KLRG1: variants seen among roughly 807,000 people sequenced by gnomAD.
KLRG1 encodes killer cell lectin-like receptor subfamily G member 1.
KLRG1 carries 16 observed loss-of-function variants against 21.8 expected under a neutral mutation model. That is an observed-to-expected ratio of 0.73 (90% CI 0.50 to 1.11). The LOEUF (loss-of-function observed/expected upper bound fraction) is 1.11. Ranked by LOEUF, KLRG1 falls within the 50% of genes most tolerant of loss-of-function variation. KLRG1 has a pLI of 0.00. For synonymous variants in KLRG1, 69 were observed against 75.9 expected (o/e 0.91, Z 0.47); for missense variants, 173 against 218.3 (o/e 0.79, Z 1.31).
chr12:8,998,206 G>A (rs1947193660), intron 3 of KLRG1, among the ~76,000 whole-genome samples: 1 of 152,056 alleles, frequency 6.6e-6, no homozygotes, highest in African/African-American at 2.4e-5. Context: ...TTATGCACCT[G>A]TAATCCCAGC....
chr12:9,151,397 T>C, the KLRG1 span, among the ~76,000 whole-genome samples: 1 of 152,364 alleles, frequency 6.6e-6, no homozygotes, highest in Admixed American at 6.5e-5. Flanking sequence ...GAAATATTCA[T>C]ATTCCAATTT....
At chr12:9,181,283 T>C in the KLRG1 span, 1 of 1,006,664 alleles carries the variant, frequency 9.9e-7, no homozygotes, top group Non-Finnish European at 1.4e-6. Context: ...TTCCTTCACT[T>C]TAAAAATAGA....
At chr12:9,102,304 C>T in the KLRG1 span, among the ~76,000 whole-genome samples, 2 of 152,156 alleles carry the variant, frequency 1.3e-5, no homozygotes, top group African/African-American at 4.8e-5. Context: ...CAATCTCTGC[C>T]TCTGGGGCTC....
downstream of KLRG1, among the ~76,000 whole-genome samples, chr12:9,010,914 T>C (rs897095652): frequency 1.3e-5 from 2 of 152,172 alleles, no homozygotes; most frequent in Non-Finnish European, 2.9e-5. Flanking sequence ...ACAATGCTCA[T>C]AGAAGGAAGT....
chr12:9,182,233 A>G, the KLRG1 span: 2 of 962,390 alleles, frequency 2.1e-6, no homozygotes, highest in Non-Finnish European at 2.9e-6. Context: ...GCGTCCATTC[A>G]TTCTAATGGC....
rs61292510 is a variant in KLRG1 at position 8,954,924 on chromosome 12, C to CT, written c.-156+4698dup. On this transcript the variant is annotated intron_variant, in intron 1 of 4. Coordinates refer to the KLRG1 transcript ENST00000539240. ...CATGAAATGTACAACTCTTTTTTTT[C>CT]TTTTTTTTTTGAGGCGGAGTCTCGA... 5.2e-3 allele frequency among the ~76,000 whole-genome samples: 763 copies of CT among 147,994 alleles called. 5 individuals carry two copies. The highest frequency in any genetic ancestry group is 0.017 in the African/African-American group (698 of 40,478).
chr12:9,058,167 G>A, the KLRG1 span: 1 of 152,152 alleles, frequency 6.6e-6, no homozygotes, highest in East Asian at 1.9e-4. Flanking sequence ...ACGACTGACT[G>A]TGAGTAATAG....
chr12:9,209,477 C>T, the KLRG1 span, among the ~76,000 whole-genome samples: 1 of 151,970 alleles, frequency 6.6e-6, no homozygotes, highest in Non-Finnish European at 1.5e-5. Flanking sequence ...AAAAGACACT[C>T]GTACCTTACA....
chr12:9,165,573 A>G, the KLRG1 span, among the ~76,000 whole-genome samples: 2 of 152,204 alleles, frequency 1.3e-5, no homozygotes, highest in African/African-American at 4.8e-5. Context: ...CCCCTTATCA[A>G]CAAATGATCA....
At chr12:9,130,070 T>A in the KLRG1 span, among the ~76,000 whole-genome samples, 872 of 152,356 alleles carry the variant, frequency 5.7e-3, 5 homozygotes, top group African/African-American at 0.02. Flanking sequence ...TAATACAGTA[T>A]TTGTCATTTT....
At chr12:9,129,683 G>C in the KLRG1 span, among the ~76,000 whole-genome samples, 6 of 152,046 alleles carry the variant, frequency 3.9e-5, no homozygotes, top group Non-Finnish European at 7.4e-5. Flanking sequence ...GAGTAGCTGG[G>C]ACTACAGGCG....
At chr12:8,961,783 C>T (rs1946385894) in intron 1 of KLRG1, among the ~76,000 whole-genome samples, 1 of 152,102 alleles carries the variant, frequency 6.6e-6, no homozygotes, top group South Asian at 2.1e-4. Flanking sequence ...TGTCTGGCAT[C>T]CAGGTAAAAA....
chr12:9,144,269 T>C, the KLRG1 span, among the ~76,000 whole-genome samples: 2 of 151,830 alleles, frequency 1.3e-5, no homozygotes, highest in East Asian at 3.9e-4. Context: ...CCACTGTGGG[T>C]GGTCAGAAGT....
At chr12:9,183,660 A>C in the KLRG1 span, among the ~76,000 whole-genome samples, 2 of 152,172 alleles carry the variant, frequency 1.3e-5, no homozygotes, top group African/African-American at 4.8e-5. Context: ...AAATGCTGCA[A>C]TTACAGGCAG....
chr12:9,099,783 A>G, the KLRG1 span, among the ~76,000 whole-genome samples: 1 of 152,182 alleles, frequency 6.6e-6, no homozygotes, highest in African/African-American at 2.4e-5. Context: ...CCAATTCACT[A>G]CCATTTGATC....
chr12:9,158,707 G>T, the KLRG1 span: 3 of 809,158 alleles, frequency 3.7e-6, no homozygotes, highest in African/African-American at 3.6e-5. Flanking sequence ...AGAGTTTGGA[G>T]ACTTTTTCTT....
At chr12:9,062,758 ATATGT>A in the KLRG1 span, among the ~76,000 whole-genome samples, 2 of 147,988 alleles carry the variant, frequency 1.4e-5, no homozygotes, top group East Asian at 3.9e-4. Flanking sequence ...ATATATTGTT[ATATGT>A]TATATGATAT....
Position 9,009,574 on chromosome 12 carries a change from T to C in KLRG1, c.*37T>C. 7 of 1,607,006 alleles carry C rather than the reference T, an allele frequency of 4.4e-6. No individual in the cohort carries two copies. The South Asian group carries it at 4.4e-5, about 10-fold the overall frequency. ...TCTGTCCTGACCCTCAGATCTGTCA[T>C]GTATCCCTAAAAGGAGGGAGCTGGC... On this transcript the variant is annotated 3_prime_UTR_variant, in exon 5 of 5. Transcript: ENST00000356986.
the KLRG1 span, among the ~76,000 whole-genome samples, chr12:9,210,149 T>C: frequency 9.3e-4 from 141 of 152,270 alleles, 2 homozygotes; most frequent in Non-Finnish European, 1.7e-3. Context: ...CTCTTCAGAG[T>C]ATTACATGGA....
Sources: allele counts gnomAD v4.1 joint callset (sites outside exome capture counted in the v4.1 genomes callset), GRCh38; gene constraint gnomAD v4.1.1; transcripts MANE v1.5; gene names NCBI Gene and HGNC (gene_info 2026-07-23, HGNC 2026-07-21).